SIRPA: variants seen among roughly 807,000 people sequenced by gnomAD.
SIRPA encodes signal regulatory protein alpha.
A neutral mutation model predicts 50.3 loss-of-function variants in SIRPA; 9 were observed. That is an observed-to-expected ratio of 0.18 (90% CI 0.11 to 0.31). The LOEUF (loss-of-function observed/expected upper bound fraction) is 0.31. Ranked by LOEUF, SIRPA falls within the 10% of genes least tolerant of loss-of-function variation. The pLI, the probability that SIRPA is intolerant of heterozygous loss-of-function variation, is 1.00. For missense variants in SIRPA, 474 were observed against 661.6 expected, an observed-to-expected ratio of 0.72 and a Z score of 3.11; for synonymous variants, 265 against 284.1, an observed-to-expected ratio of 0.93 and a Z score of 0.68.
chr20:1,912,475 G>A (rs1569960), intron 1 of SIRPA, among the ~76,000 whole-genome samples: 56,047 of 152,078 alleles, frequency 0.37, 10,725 homozygotes, highest in East Asian at 0.68. Context: ...ATTCATTACC[G>A]CATTCATTCT....
intron 2 of SIRPA, among the ~76,000 whole-genome samples, chr20:1,918,896 A>G (rs1227350310): frequency 6.6e-6 from 1 of 152,196 alleles, no homozygotes; most frequent in Non-Finnish European, 1.5e-5. Flanking sequence ...CCTGGGCCAC[A>G]TCCCAGCTCT....
At chr20:1,900,177 C>T (rs1419997083) in intron 1 of SIRPA, among the ~76,000 whole-genome samples, 12 of 147,314 alleles carry the variant, frequency 8.1e-5, no homozygotes, top group African/African-American at 2.5e-4. Context: ...CTCGGCTCAA[C>T]GCAACCTCCG....
intron 2 of SIRPA, among the ~76,000 whole-genome samples, chr20:1,919,550 A>T (rs969655644): frequency 3.9e-5 from 6 of 152,140 alleles, no homozygotes; most frequent in Non-Finnish European, 7.4e-5. Flanking sequence ...CCCTGCTCAG[A>T]TCCAGCCTCA....
chr20:1,903,258 A>C (rs891794585), intron 1 of SIRPA, among the ~76,000 whole-genome samples: 1 of 152,168 alleles, frequency 6.6e-6, no homozygotes, highest in Non-Finnish European at 1.5e-5. Flanking sequence ...AACATGGAGC[A>C]TGTCTGGCTT....
chr20:1,925,722 G>A (rs1312464917), intron 5 of SIRPA, among the ~76,000 whole-genome samples: 4 of 152,172 alleles, frequency 2.6e-5, no homozygotes, highest in African/African-American at 4.8e-5. Flanking sequence ...GTTTAGCAAC[G>A]CCTGTCTTGG....
intron 1 of SIRPA, among the ~76,000 whole-genome samples, chr20:1,900,579 A>C (rs1984129453): frequency 6.6e-6 from 1 of 152,170 alleles, no homozygotes; most frequent in Non-Finnish European, 1.5e-5. Flanking sequence ...GGCCTGAGAG[A>C]GCCCTCTGTG....
Position 1,922,490 on chromosome 20 carries a change from A to C in SIRPA, c.932A>C (p.Asn311Thr), listed in dbSNP as rs768829349. The C allele has an allele frequency of 6.2e-7, 1 of 1,614,224 alleles. No individual in the cohort carries two copies. Among genetic ancestry groups the C allele is most frequent in the South Asian group, 1.1e-5 (1 of 91,086 alleles). The change falls in exon 4 of 8, where the codon AAC becomes ACC. Residue 311 changes from asparagine (N) to threonine (T), a missense_variant. Around this residue, in one of 4 missense-constraint regions of SIRPA, gnomAD observed 221 missense variants for 359.9 expected, o/e 0.61. Transcript: ENST00000358771. Reference sequence around the variant, plus strand: ...ACAGAGAACAAGGATGGTACCTACAACTGGATGAGCTGGCTCCTGGTGAAT... The same window carrying C: ...ACAGAGAACAAGGATGGTACCTACACCTGGATGAGCTGGCTCCTGGTGAAT... Reference protein sequence around the residue: ...TVTENKDGTYNWMSWLLVNVS... With the variant: ...TVTENKDGTYTWMSWLLVNVS...
At chr20:1,925,601 G>T (rs1054099699) in intron 5 of SIRPA, among the ~76,000 whole-genome samples, 2 of 152,188 alleles carry the variant, frequency 1.3e-5, no homozygotes, top group Admixed American at 1.3e-4. Context: ...TGTTGCTGTG[G>T]CAGGGCCTCT....
intron 1 of SIRPA, among the ~76,000 whole-genome samples, chr20:1,914,226 T>C (rs68178619): frequency 0.41 from 61,834 of 151,692 alleles, 12,846 homozygotes; most frequent in East Asian, 0.66. Context: ...GGGGCTGTTC[T>C]ACCCATCCTG....
At chr20:1,925,055 C>T (rs750657441) in intron 5 of SIRPA, among the ~76,000 whole-genome samples, 178 bp downstream of exon 5, 3 of 152,198 alleles carry the variant, frequency 2.0e-5, no homozygotes, top group Non-Finnish European at 4.4e-5. Context: ...GTGGGTCACT[C>T]TGTGGCTTCC....
intron 1 of SIRPA, among the ~76,000 whole-genome samples, chr20:1,911,286 A>G (rs902787486): frequency 6.6e-6 from 1 of 152,228 alleles, no homozygotes; most frequent in Non-Finnish European, 1.5e-5. Flanking sequence ...ACCTAAAGGT[A>G]TGATGTTAGA....
intron 1 of SIRPA, among the ~76,000 whole-genome samples, chr20:1,911,538 C>A (rs1984886788): frequency 6.6e-6 from 1 of 152,138 alleles, no homozygotes; most frequent in Non-Finnish European, 1.5e-5. Context: ...AGGGGATAGG[C>A]CGTAATTCAC....
At chr20:1,925,266 C>G (rs1278317881) in intron 5 of SIRPA, among the ~76,000 whole-genome samples, 1 of 152,226 alleles carries the variant, frequency 6.6e-6, no homozygotes, top group Admixed American at 6.5e-5. Flanking sequence ...TGACCAGTCC[C>G]TGGACAGGAG....
At position 1,911,601 on chromosome 20, in the gene SIRPA, C is replaced by T. The variant is rs1240555750; in HGVS notation, c.80-3498C>T. Among the ~76,000 whole-genome samples, 4 of 152,234 alleles carry T rather than the reference C, an allele frequency of 2.6e-5. No homozygotes were observed. In the South Asian group the frequency reaches 8.3e-4, roughly 32 times the overall value. ...GGGCTTTTTCTAATGTCTTTAAGAT[C>T]GTTATACAGGAAACCTACTCCATAT... On this transcript the variant is annotated intron_variant, in intron 1 of 7. Transcript: ENST00000358771.
At chr20:1,918,360 C>CTTTTTTTTTT (rs60736526) in intron 2 of SIRPA, among the ~76,000 whole-genome samples, 329 of 95,678 alleles carry the variant, frequency 3.4e-3, no homozygotes, top group Non-Finnish European at 5.2e-3. Context: ...ACCACACCAG[C>CTTTTTTTTTT]TTTTTTTTTT....
intron 1 of SIRPA, among the ~76,000 whole-genome samples, chr20:1,904,755 C>A (rs1247276114): frequency 1.3e-5 from 2 of 152,278 alleles, no homozygotes; most frequent in East Asian, 3.9e-4. Flanking sequence ...CTCAGTTTCC[C>A]CTTCTGTGAC....
rs749344286 is a variant in SIRPA, at chr20:1,927,914, G to T, written c.1226+15G>T. ...TCTTCTACAAGGTAAGTGCATCATT[G>T]GTCCAGACCCTCTTGCAGTTATTAT... On this transcript the variant is annotated intron_variant, in intron 6 of 7. Coordinates refer to ENST00000358771, the MANE Select transcript of SIRPA (RefSeq NM_001040023.2). This position sits in a 1 kb window ranked among gnomAD's most constrained non-coding sequence, Gnocchi z 6.5. 1.3e-5 allele frequency: 21 copies of T among 1,611,342 alleles called. No individual in the cohort carries two copies. The highest frequency in any genetic ancestry group is 1.8e-5 in the Non-Finnish European group (21 of 1,177,576).
rs138660699 is a variant in SIRPA at position 1,933,359 on chromosome 20, C to T, written c.1227-1356C>T. On this transcript the variant is annotated intron_variant, in intron 6 of 7. Coordinates refer to ENST00000358771, the MANE Select transcript of SIRPA (RefSeq NM_001040023.2). The surrounding 1 kb of genome is among the most constrained non-coding windows in gnomAD (Gnocchi z 4.4). ...AGGAAAAATGATCAAAGGGGTCCTTCGAGGCTGCTATTGAAGCATGAAGTA... is the reference window on the plus strand; with the variant it reads ...AGGAAAAATGATCAAAGGGGTCCTTTGAGGCTGCTATTGAAGCATGAAGTA... 6.6e-5 allele frequency among the ~76,000 whole-genome samples: 10 copies of T among 150,386 alleles called. No homozygotes were observed. The highest frequency in any genetic ancestry group is 3.4e-3 in the Middle Eastern group (1 of 292).
At chr20:1,896,112 G>T (rs1983796822) in intron 1 of SIRPA, among the ~76,000 whole-genome samples, 1 of 152,212 alleles carries the variant, frequency 6.6e-6, no homozygotes, top group Admixed American at 6.5e-5. Flanking sequence ...GCGAGCTGCT[G>T]CGAGCAACAG....
Sources: allele counts gnomAD v4.1 joint callset (sites outside exome capture counted in the v4.1 genomes callset), GRCh38; gene constraint gnomAD v4.1.1; regional missense constraint gnomAD v4.1.1; non-coding constraint Gnocchi (gnomAD v3.1); transcripts MANE v1.5; gene names NCBI Gene and HGNC (gene_info 2026-07-23, HGNC 2026-07-21).